Variants in FUCA2 observed in about 807,000 individuals in gnomAD.
FUCA2 encodes alpha-L-fucosidase 2, also known as plasma alpha-L-fucosidase.
A neutral mutation model predicts 52.6 loss-of-function variants in FUCA2; 41 were observed. The observed-to-expected ratio is 0.78, with a 90% CI of 0.61 to 1.01. The LOEUF (loss-of-function observed/expected upper bound fraction) is 1.01. Ranked by LOEUF, FUCA2 falls within the 50% of genes least tolerant of loss-of-function variation. The pLI is 0.00. For synonymous variants in FUCA2, 211 were observed against 217.3 expected, an observed-to-expected ratio of 0.97 and a Z score of 0.26; for missense variants, 507 against 569.5, an observed-to-expected ratio of 0.89 and a Z score of 1.12.
chr6:143,501,862 T>A lies in FUCA2; in HGVS notation c.1154+70A>T. The A allele has an allele frequency of 7.3e-7, 1 of 1,375,980 alleles. No individual in the cohort carries two copies. Among genetic ancestry groups the A allele is most frequent in the Non-Finnish European group, 1.0e-6 (1 of 1,001,208 alleles). 85.2% of individuals were successfully genotyped at this position (1,375,980 alleles called of 1,614,324 possible). On this transcript the variant is annotated intron_variant, in intron 5 of 6. Coordinates refer to ENST00000002165, the MANE Select transcript of FUCA2 (RefSeq NM_032020.5). The surrounding 1 kb of genome is among the most constrained non-coding windows in gnomAD (Gnocchi z 6.1). ...CCAATTTCTCTTTTTATCCTACTCT[T>A]CTTTATATGTCTGATAAATTTTAAA... is the stretch of plus-strand genomic sequence containing the variant.
rs749302226 is a variant in FUCA2 at position 143,504,285 on chromosome 6, T to A, written c.413-33A>T. ...ATTATAGTGAAAACCCTTGTAAGCA[T>A]GTCAACTTTATTTTAGTAAATTTCA... On this transcript the variant is annotated intron_variant, in intron 2 of 6. Transcript: ENST00000002165. The surrounding 1 kb of genome is among the most constrained non-coding windows in gnomAD (Gnocchi z 4.4). 2 of 1,550,388 alleles carry A rather than the reference T, an allele frequency of 1.3e-6. No homozygotes were observed. The highest frequency in any genetic ancestry group is 1.4e-5 in the African/African-American group (1 of 72,706).
rs983689395 is a variant in FUCA2 at position 143,511,304 on chromosome 6, G to A, written c.224+107C>T. 10 of 1,001,584 alleles carry A rather than the reference G, an allele frequency of 1.0e-5. No homozygotes were observed. In the African/African-American group the frequency reaches 1.0e-4, roughly 10 times the overall value. The allele number at this position is 1,001,584 out of a possible 1,614,324, so 62.0% of individuals were successfully genotyped here. On this transcript the variant is annotated intron_variant, in intron 1 of 6. Coordinates refer to ENST00000002165, the MANE Select transcript of FUCA2 (RefSeq NM_032020.5). The surrounding 1 kb of genome is among the most constrained non-coding windows in gnomAD (Gnocchi z 6.3). ...TAACGCAGTGGGAGGTGAAACCGACGAGGGTGCAGGCAGCACCAGGCGGCG... is the reference window on the plus strand; with the variant it reads ...TAACGCAGTGGGAGGTGAAACCGACAAGGGTGCAGGCAGCACCAGGCGGCG...
In FUCA2 at chr6:143,507,259, G is replaced by A; in HGVS notation, c.390C>T (p.Val130=). 1.3e-6 allele frequency: 2 copies of A among 1,598,438 alleles called. No individual in the cohort carries two copies. The highest frequency in any genetic ancestry group is 8.5e-7 in the Non-Finnish European group (1 of 1,175,260). ...IFQASGAKYI[V]LTSKHHEGFT... ...TACCTTCATGATGTTTGGAAGTTAA[G>A]ACAATGTATTTGGCACCAGAGGCCT... is the stretch of plus-strand genomic sequence containing the variant. The change falls in exon 2 of 7, where the codon GTC becomes GTT. Residue 130 remains valine (V), a synonymous_variant. Transcript: ENST00000002165. This position sits in a 1 kb window ranked among gnomAD's most constrained non-coding sequence, Gnocchi z 4.5.
intron 1 of FUCA2, among the ~76,000 whole-genome samples, chr6:143,508,968 C>T (rs1020455771): frequency 3.3e-5 from 5 of 152,156 alleles, no homozygotes; most frequent in African/African-American, 1.2e-4. Context: ...TACCACACCA[C>T]AGCCTTGAAC....
rs57091762 is a variant in FUCA2 at position 143,510,638 on chromosome 6, C to CAAAA, written c.224+769_224+772dup. ...TGGGTGACAGAATGAGACTATGTCTCAAAAAAAAAAAAAAAAGAATATATT... is the reference window on the plus strand; with the variant it reads ...TGGGTGACAGAATGAGACTATGTCTCAAAAAAAAAAAAAAAAAAAAGAATATATT... On this transcript the variant is annotated intron_variant, in intron 1 of 6. Coordinates refer to ENST00000002165, the MANE Select transcript of FUCA2 (RefSeq NM_032020.5). This position sits in a 1 kb window ranked among gnomAD's most constrained non-coding sequence, Gnocchi z 4.4. Among the ~76,000 whole-genome samples, 10 of 77,122 alleles carry CAAAA rather than the reference C, an allele frequency of 1.3e-4. No individual in the cohort carries two copies. Among genetic ancestry groups the CAAAA allele is most frequent in the African/African-American group, 3.9e-4 (9 of 23,320 alleles). 50.6% of individuals were successfully genotyped at this position (77,122 alleles called of 152,430 possible).
rs1213168097 is a variant in FUCA2, at chr6:143,502,057, G to A, written c.1029C>T (p.Gly343=). The A allele has an allele frequency of 3.7e-6, 6 of 1,613,606 alleles. No individual in the cohort carries two copies. The South Asian group carries it at 6.6e-5, about 18-fold the overall frequency. Residue 343 remains glycine (G), a synonymous_variant, in exon 5 of 7, where the codon GGC becomes GGT. Transcript: ENST00000002165. The surrounding 1 kb of genome is among the most constrained non-coding windows in gnomAD (Gnocchi z 4.1). The stretch of plus-strand genomic sequence containing the variant: ...GCTCCTCAAAAACTACAGAAATGGT[G>A]CCATCTAGTGTGGGCCCAATATTCA... ...LLMNIGPTLD[G]TISVVFEERL...
chr6:143,508,354 C>T (rs1190115945), intron 1 of FUCA2, among the ~76,000 whole-genome samples: 1 of 152,120 alleles, frequency 6.6e-6, no homozygotes, highest in African/African-American at 2.4e-5. Context: ...CATTTTTGAC[C>T]CACCTCCTGC....
In FUCA2 at chr6:143,504,548, T is replaced by C. The variant is rs1169915660; in HGVS notation, c.413-296A>G. 3 of 316,832 alleles carry C rather than the reference T, an allele frequency of 9.5e-6. No homozygotes were observed. The highest frequency in any genetic ancestry group is 1.8e-5 in the Non-Finnish European group (3 of 170,202). The allele number at this position is 316,832 out of a possible 1,614,324, so 19.6% of individuals were successfully genotyped here. On this transcript the variant is annotated intron_variant, in intron 2 of 6. Transcript: ENST00000002165. This position sits in a 1 kb window ranked among gnomAD's most constrained non-coding sequence, Gnocchi z 4.4. Reference sequence around the variant, plus strand: ...ATTTTAAGGTCCTTAAGGGATTGCATCATGTCTGCAGTGCTCCCTGCTATG... The same window carrying C: ...ATTTTAAGGTCCTTAAGGGATTGCACCATGTCTGCAGTGCTCCCTGCTATG...
rs1569589 is a variant in FUCA2 at position 143,507,188 on chromosome 6, T to C, written c.412+49A>G. The C allele has an allele frequency of 0.22, 333,423 of 1,512,422 alleles. 37,851 individuals are homozygous for C. Among genetic ancestry groups the C allele is most frequent in the Middle Eastern group, 0.23 (1,337 of 5,786 alleles). The allele number at this position is 1,512,422 out of a possible 1,614,324, so 93.7% of individuals were successfully genotyped here. ...GTTTTTTCTTCCAAAAGAACAACTT[T>C]TCATTTCTTAACCATTGTCAGCAAT... On this transcript the variant is annotated intron_variant, in intron 2 of 6. Transcript: ENST00000002165. The surrounding 1 kb of genome is among the most constrained non-coding windows in gnomAD (Gnocchi z 4.5).
rs1198949975 is a variant in FUCA2, at chr6:143,497,685, A to G, written c.1155-188T>C. ...CCTTCCTCCCCCAAGACCAAAAGGA[A>G]GTTCTTGGAAGACAAAGATTTTCCT... On this transcript the variant is annotated intron_variant, in intron 5 of 6. Transcript: ENST00000002165. The surrounding 1 kb of genome is among the most constrained non-coding windows in gnomAD (Gnocchi z 5.3). Among the ~76,000 whole-genome samples the G allele has an allele frequency of 6.6e-6, 1 of 152,234 alleles. No individual in the cohort carries two copies. Among genetic ancestry groups the G allele is most frequent in the East Asian group, 1.9e-4 (1 of 5,194 alleles).
rs149437479 is a variant in FUCA2 at position 143,500,874 on chromosome 6, C to G, written c.1154+1058G>C. ...TGCAAGAAGGTGGGCATGATGAACC[C>G]TGGGGGAAGAAGGCTCCTATGGTGA... On this transcript the variant is annotated intron_variant, in intron 5 of 6. Transcript: ENST00000002165. The surrounding 1 kb of genome is among the most constrained non-coding windows in gnomAD (Gnocchi z 6.9). Among the ~76,000 whole-genome samples the G allele has an allele frequency of 3.2e-4, 49 of 152,140 alleles. No homozygotes were observed. Among genetic ancestry groups the G allele is most frequent in the Non-Finnish European group, 5.3e-4 (36 of 67,974 alleles).
Position 143,503,632 on chromosome 6 carries a change from A to AG in FUCA2, c.752+280dup, listed in dbSNP as rs1203120544. 6.2e-6 allele frequency: 2 copies of AG among 324,816 alleles called. No individual in the cohort carries two copies. Among genetic ancestry groups the AG allele is most frequent in the South Asian group, 5.0e-5 (1 of 19,992 alleles). The allele number at this position is 324,816 out of a possible 1,614,324, so 20.1% of individuals were successfully genotyped here. On this transcript the variant is annotated intron_variant, in intron 3 of 6. Transcript: ENST00000002165. The surrounding 1 kb of genome is among the most constrained non-coding windows in gnomAD (Gnocchi z 4.8). ...TAAAGGACCAGGGTAGGAGAGAAAA[A>AG]GGGGGGACCCACAAAATTAACACCT...
chr6:143,498,752 A>G lies in FUCA2; in HGVS notation c.1155-1255T>C, dbSNP rs533406988. ...GGAGAAATGTGACCATGGGAGTGGC[A>G]TTATTATTTAAAAGTATACTCTGAT... On this transcript the variant is annotated intron_variant, in intron 5 of 6. Coordinates refer to ENST00000002165, the MANE Select transcript of FUCA2 (RefSeq NM_032020.5). 3.0e-4 allele frequency among the ~76,000 whole-genome samples: 46 copies of G among 152,316 alleles called. No homozygotes were observed. The South Asian group carries it at 9.1e-3, about 30-fold the overall frequency.
At chr6:143,508,784 C>T (rs748940374) in intron 1 of FUCA2, among the ~76,000 whole-genome samples, 5 of 152,130 alleles carry the variant, frequency 3.3e-5, no homozygotes, top group Non-Finnish European at 7.4e-5. Flanking sequence ...ATCAATGAAC[C>T]GACTACTCTA....
intron 5 of FUCA2, among the ~76,000 whole-genome samples, chr6:143,498,660 G>A (rs1298345375): frequency 6.6e-6 from 1 of 152,180 alleles, no homozygotes; most frequent in Non-Finnish European, 1.5e-5. Flanking sequence ...GGCGATAGGA[G>A]CCAGATTTTA....
At position 143,511,390 on chromosome 6, in the gene FUCA2, G is replaced by C; in HGVS notation, c.224+21C>G. ...GTGGGGACAAAAGCGCGGCAGACGA[G>C]ACAAAAGGGAGCGCACTCACCAGAA... On this transcript the variant is annotated intron_variant, in intron 1 of 6. Transcript: ENST00000002165. This position sits in a 1 kb window ranked among gnomAD's most constrained non-coding sequence, Gnocchi z 6.3. 2 of 1,586,518 alleles carry C rather than the reference G, an allele frequency of 1.3e-6. No homozygotes were observed. The highest frequency in any genetic ancestry group is 1.7e-6 in the Non-Finnish European group (2 of 1,162,756).
chr6:143,501,870 T>A lies in FUCA2; in HGVS notation c.1154+62A>T. The A allele has an allele frequency of 7.1e-7, 1 of 1,414,260 alleles. No individual in the cohort carries two copies. Among genetic ancestry groups the A allele is most frequent in the South Asian group, 1.3e-5 (1 of 75,736 alleles). The allele number at this position is 1,414,260 out of a possible 1,614,324, so 87.6% of individuals were successfully genotyped here. A position where few individuals can be genotyped will look rare whatever the true frequency, so the allele number is the denominator to read the frequency against. ...TCTTTTTATCCTACTCTTCTTTATA[T>A]GTCTGATAAATTTTAAATCTCTTCC... On this transcript the variant is annotated intron_variant, in intron 5 of 6. Transcript: ENST00000002165. This position sits in a 1 kb window ranked among gnomAD's most constrained non-coding sequence, Gnocchi z 6.1.
Position 143,509,620 on chromosome 6 carries a change from T to A in FUCA2, c.224+1791A>T, listed in dbSNP as rs139902529. Among the ~76,000 whole-genome samples, 182 of 152,302 alleles carry A rather than the reference T, an allele frequency of 1.2e-3. 1 individual carries two copies. The highest frequency in any genetic ancestry group is 3.9e-3 in the African/African-American group (162 of 41,576). On this transcript the variant is annotated intron_variant, in intron 1 of 6. Transcript: ENST00000002165. This position sits in a 1 kb window ranked among gnomAD's most constrained non-coding sequence, Gnocchi z 5.4. The stretch of plus-strand genomic sequence containing the variant: ...AAGATACAATTTAGGGGGAAGAAAG[T>A]TGTTAATTATGTACCACACTAATCT...
In FUCA2 at chr6:143,500,493, C is replaced by T. The variant is rs1780514986; in HGVS notation, c.1154+1439G>A. On this transcript the variant is annotated intron_variant, in intron 5 of 6. Transcript: ENST00000002165. This position sits in a 1 kb window ranked among gnomAD's most constrained non-coding sequence, Gnocchi z 6.9. Reference sequence around the variant, plus strand: ...GACAACCACCTAAAGGATAAAGCTGCCATTAACTGAGATGGAGAAGACCGT... The same window carrying T: ...GACAACCACCTAAAGGATAAAGCTGTCATTAACTGAGATGGAGAAGACCGT... Among the ~76,000 whole-genome samples the T allele has an allele frequency of 6.6e-6, 1 of 152,044 alleles. No individual in the cohort carries two copies. Among genetic ancestry groups the T allele is most frequent in the Admixed American group, 6.6e-5 (1 of 15,254 alleles).
Sources: gnomAD v4.1 joint callset for allele counts (sites outside exome capture counted in the v4.1 genomes callset) on GRCh38, gnomAD v4.1.1 for gene constraint, Gnocchi (gnomAD v3.1) non-coding constraint, MANE v1.5 for transcripts, NCBI Gene and HGNC (gene_info 2026-07-23, HGNC 2026-07-21) for gene names.